DNAAF9: variants seen among roughly 807,000 people sequenced by gnomAD.
DNAAF9 encodes shulin.
Under a neutral mutation model 167.0 loss-of-function variants are expected in DNAAF9, and 90 were observed. That is an observed-to-expected ratio of 0.54 (90% CI 0.45 to 0.64). The LOEUF is 0.64. Ranked by LOEUF, DNAAF9 falls within the 30% of genes least tolerant of loss-of-function variation. The probability of loss-of-function intolerance (pLI) is 0.00; values close to 1 mark genes in which losing one functional copy is unlikely to be tolerated. For synonymous variants in DNAAF9, 491 were observed against 508.8 expected, an observed-to-expected ratio of 0.96 and a Z score of 0.47; for missense variants, 1,315 against 1,442.2, an observed-to-expected ratio of 0.91 and a Z score of 1.43.
rs749330696 is a variant in DNAAF9, at chr20:3,264,515, G to A, written c.2796C>T (p.Asp932=). Residue 932 remains aspartate, a synonymous_variant, in exon 31 of 37, where the codon GAC becomes GAT. Coordinates refer to ENST00000252032, the MANE Select transcript of DNAAF9 (RefSeq NM_001009984.3). ...TGTTTTCTGAGAGAATCAGCTCAAT[G>A]TCTTCATTCCTTTGAAAACACACAG... ...AENGIVTRNE[D]IELILSENSF... 4 of 1,501,050 alleles carry A rather than the reference G, an allele frequency of 2.7e-6. No homozygotes were observed. In the Admixed American group the frequency reaches 5.0e-5, roughly 19 times the overall value. The allele number at this position is 1,501,050 out of a possible 1,614,324, so 93.0% of individuals were successfully genotyped here. A position where few individuals can be genotyped will look rare whatever the true frequency, so the allele number is the denominator to read the frequency against.
rs1010767497 is a variant in DNAAF9, at chr20:3,250,868, G to A, written c.*1704C>T. On this transcript the variant is annotated 3_prime_UTR_variant, in exon 37 of 37. Transcript: ENST00000252032. ...TTGAGTTTTTAAAAAGAGTTCGGTA[G>A]AGCTAAAGGAAGCTACAGTAACTCA... is the stretch of plus-strand genomic sequence containing the variant. 6.6e-6 allele frequency: 1 copy of A among 152,164 alleles called. No individual in the cohort carries two copies. The highest frequency in any genetic ancestry group is 1.5e-5 in the Non-Finnish European group (1 of 68,038). The allele number at this position is 152,164 out of a possible 1,614,324, so 9.4% of individuals were successfully genotyped here.
intron 22 of DNAAF9, among the ~76,000 whole-genome samples, chr20:3,297,560 G>C (rs984772898): frequency 1.3e-5 from 2 of 152,132 alleles, no homozygotes; most frequent in Admixed American, 6.5e-5. Context: ...CTATTGCTTG[G>C]TCTCTAAGTG....
intron 1 of DNAAF9, among the ~76,000 whole-genome samples, chr20:3,383,273 T>TC (rs1025715831): frequency 3.1e-5 from 4 of 127,550 alleles, no homozygotes; most frequent in Non-Finnish European, 6.4e-5. Context: ...CCCTAACACT[T>TC]TTTTTTTTTT....
chr20:3,340,585 C>T lies in DNAAF9; in HGVS notation c.900G>A (p.Leu300=), dbSNP rs1211406289. 3.7e-6 allele frequency: 6 copies of T among 1,613,790 alleles called. No individual in the cohort carries two copies. Among genetic ancestry groups the T allele is most frequent in the Non-Finnish European group, 5.1e-6 (6 of 1,179,858 alleles). Residue 300 remains leucine, a synonymous_variant, in exon 10 of 37, where the codon CTG becomes CTA. Coordinates refer to ENST00000252032, the MANE Select transcript of DNAAF9 (RefSeq NM_001009984.3). ...LFGNHSTREN[L]NAGNFNFPSE... ...AAGGGAAGTTAAAGTTGCCAGCATT[C>T]AGGTTTTCTCGTGTGGAGTGATTAC...
intron 30 of DNAAF9, among the ~76,000 whole-genome samples, chr20:3,267,316 A>C (rs186011600): frequency 6.6e-6 from 1 of 152,126 alleles, no homozygotes; most frequent in African/African-American, 2.4e-5. Context: ...CATCTCCACT[A>C]ATCTTTGAGT....
chr20:3,271,605 A>G (rs1201092671), intron 29 of DNAAF9, among the ~76,000 whole-genome samples: 1 of 150,022 alleles, frequency 6.7e-6, no homozygotes, highest in East Asian at 2.0e-4. Flanking sequence ...TTGTTATTCA[A>G]TAATTTTTAT....
chr20:3,388,067 CAAAAAAAAAA>C (rs901916873), intron 1 of DNAAF9, among the ~76,000 whole-genome samples: 3 of 104,906 alleles, frequency 2.9e-5, no homozygotes, highest in African/African-American at 1.1e-4. Context: ...GACTCTGTCT[CAAAAAAAAAA>C]AAAAAGAAAA....
At chr20:3,352,888 T>C (rs1162948472) in intron 7 of DNAAF9, among the ~76,000 whole-genome samples, 1 of 148,986 alleles carries the variant, frequency 6.7e-6, no homozygotes, top group Non-Finnish European at 1.5e-5. Context: ...TTACATGTTA[T>C]ATATATATGT....
chr20:3,323,519 T>C (rs2069656758), intron 14 of DNAAF9, among the ~76,000 whole-genome samples: 1 of 152,040 alleles, frequency 6.6e-6, no homozygotes, highest in Non-Finnish European at 1.5e-5. Context: ...TGACCTCAAG[T>C]GATCGCCTGT....
chr20:3,260,802 T>C (rs902360244), intron 31 of DNAAF9, among the ~76,000 whole-genome samples: 11 of 152,308 alleles, frequency 7.2e-5, no homozygotes, highest in African/African-American at 1.7e-4. Flanking sequence ...CAGCTAATTT[T>C]TGTATTGTTT....
chr20:3,281,872 A>C, intron 27 of DNAAF9, 106 bp from the exon 28 acceptor site: 1 of 1,155,056 alleles, frequency 8.7e-7, no homozygotes, highest in Admixed American at 2.3e-5. Context: ...AAGAAAACCA[A>C]AAGGAAGAGC....
intron 7 of DNAAF9, 110 bp downstream of exon 7, chr20:3,359,406 G>A: frequency 1.3e-6 from 1 of 758,228 alleles, no homozygotes. Context: ...TCTATTTTTT[G>A]ACCGAAGCAA....
At chr20:3,398,849 C>CA (rs1412118050) in intron 1 of DNAAF9, among the ~76,000 whole-genome samples, 3 of 152,104 alleles carry the variant, frequency 2.0e-5, no homozygotes, top group Non-Finnish European at 4.4e-5. Context: ...GGAGAAAAGG[C>CA]AAAAAGCCAG....
chr20:3,402,983 T>A (rs1385598136), intron 1 of DNAAF9, among the ~76,000 whole-genome samples: 3 of 152,130 alleles, frequency 2.0e-5, no homozygotes, highest in Non-Finnish European at 4.4e-5. Flanking sequence ...AATGTATTTA[T>A]TTTTTTATCA....
At chr20:3,357,483 T>A (rs969931000) in intron 7 of DNAAF9, among the ~76,000 whole-genome samples, 3 of 151,778 alleles carry the variant, frequency 2.0e-5, no homozygotes, top group African/African-American at 2.4e-5. Context: ...AAAAAATAAA[T>A]AAATAAATAA....
intron 21 of DNAAF9, among the ~76,000 whole-genome samples, chr20:3,301,479 C>G (rs115049678): frequency 6.6e-6 from 1 of 152,170 alleles, no homozygotes; most frequent in Non-Finnish European, 1.5e-5. Flanking sequence ...TGAGCCACCA[C>G]GCCCAGCCCC....
At chr20:3,398,155 G>GTGGTT (rs886858610) in intron 1 of DNAAF9, among the ~76,000 whole-genome samples, 1 of 152,202 alleles carries the variant, frequency 6.6e-6, no homozygotes, top group African/African-American at 2.4e-5. Context: ...CAGGAAGAAT[G>GTGGTT]TGGTTTGGGG....
intron 16 of DNAAF9, 83 bp downstream of exon 16, chr20:3,322,134 C>A (rs888400409): frequency 1.0e-6 from 1 of 974,220 alleles, no homozygotes; most frequent in African/African-American, 1.6e-5. Flanking sequence ...TGCCCAAGAC[C>A]CCCACCCACT....
chr20:3,392,924 A>G (rs2123280136), intron 1 of DNAAF9, among the ~76,000 whole-genome samples: 1 of 152,362 alleles, frequency 6.6e-6, no homozygotes, highest in African/African-American at 2.4e-5. Flanking sequence ...TAGAAAACTG[A>G]CGTGAACAAT....
Sources: gnomAD v4.1 joint callset for allele counts (sites outside exome capture counted in the v4.1 genomes callset) on GRCh38, gnomAD v4.1.1 for gene constraint, MANE v1.5 for transcripts, NCBI Gene and HGNC (gene_info 2026-07-23, HGNC 2026-07-21) for gene names.